LRRC4C: variants seen among roughly 807,000 people sequenced by gnomAD.
The protein encoded by LRRC4C is leucine-rich repeat-containing protein 4C.
In LRRC4C, 5 loss-of-function variants were observed where a neutral mutation model predicts 33.6. The observed-to-expected ratio is 0.15, with a 90% CI of 0.08 to 0.31. LRRC4C has a LOEUF of 0.31. LRRC4C is among the 10% of genes least tolerant of loss of function. The pLI is 1.00. For synonymous variants in LRRC4C, 329 were observed against 302.0 expected, an observed-to-expected ratio of 1.09 and a Z score of -0.93; for missense variants, 560 against 796.7, an observed-to-expected ratio of 0.70 and a Z score of 3.58.
intron 1 of LRRC4C, among the ~76,000 whole-genome samples, chr11:41,128,725 T>G (rs1942869807): frequency 6.6e-6 from 1 of 152,068 alleles, no homozygotes; most frequent in African/African-American, 2.4e-5. Flanking sequence ...AGTCAACAAA[T>G]TAACCATTGG....
At chr11:40,400,353 A>G (rs1027683244) in intron 3 of LRRC4C, among the ~76,000 whole-genome samples, 1 of 152,144 alleles carries the variant, frequency 6.6e-6, no homozygotes, top group Admixed American at 6.6e-5. Flanking sequence ...ATCTCCAAAG[A>G]GTTGTTTGCT....
chr11:40,315,879 T>A (rs2136799905), intron 4 of LRRC4C, among the ~76,000 whole-genome samples: 1 of 152,136 alleles, frequency 6.6e-6, no homozygotes, highest in Non-Finnish European at 1.5e-5. Context: ...AATTTGGTTT[T>A]AAATTTAAAG....
At chr11:40,867,628 G>A (rs1166056692) in intron 2 of LRRC4C, among the ~76,000 whole-genome samples, 1 of 143,924 alleles carries the variant, frequency 6.9e-6, no homozygotes, top group Non-Finnish European at 1.6e-5. Flanking sequence ...CACCAAAGTT[G>A]CTTTCTAGCA....
intron 1 of LRRC4C, among the ~76,000 whole-genome samples, chr11:41,237,638 C>A (rs1278130575): frequency 2.0e-5 from 3 of 152,128 alleles, no homozygotes; most frequent in African/African-American, 7.2e-5. Context: ...CACCTTCCTG[C>A]AAGAAACAAA....
intron 2 of LRRC4C, among the ~76,000 whole-genome samples, chr11:40,822,157 A>G (rs767673071): frequency 2.6e-5 from 4 of 151,608 alleles, no homozygotes; most frequent in Non-Finnish European, 5.9e-5. Context: ...TCACCCCACA[A>G]CTAAACTTCC....
chr11:40,674,276 T>C (rs1232631202), intron 2 of LRRC4C, among the ~76,000 whole-genome samples: 2 of 152,224 alleles, frequency 1.3e-5, no homozygotes, highest in Admixed American at 1.3e-4. Context: ...GAAAGAGCAC[T>C]GGGGTTGGCA....
At chr11:40,739,591 C>T (rs1948060475) in intron 2 of LRRC4C, among the ~76,000 whole-genome samples, 1 of 151,666 alleles carries the variant, frequency 6.6e-6, no homozygotes, top group African/African-American at 2.4e-5. Context: ...AATTGTAATC[C>T]CTAAGTGTTG....
chr11:40,251,416 C>T (rs1271704196), intron 4 of LRRC4C, among the ~76,000 whole-genome samples: 3 of 152,046 alleles, frequency 2.0e-5, no homozygotes, highest in Non-Finnish European at 4.4e-5. Flanking sequence ...ACAGAAGTTC[C>T]TTTTGTGCCC....
In LRRC4C at chr11:40,990,231, TTATATATATATATATATA is replaced by T. The variant is rs761772952; in HGVS notation, c.-495-56526_-495-56509del. ...AAATATTTGAATAGTATGTCAAGTTTTATATATATATATATATATATATATATATATATATATATATAT... is the reference window on the plus strand; with the variant it reads ...AAATATTTGAATAGTATGTCAAGTTTTATATATATATATATATATATATAT... On this transcript the variant is annotated intron_variant, in intron 1 of 6. Transcript: ENST00000528697. Among the ~76,000 whole-genome samples, 200 of 78,246 alleles carry T rather than the reference TTATATATATATATATATA, an allele frequency of 2.6e-3. 1 individual carries two copies. The highest frequency in any genetic ancestry group is 6.4e-3 in the African/African-American group (146 of 22,792). The allele number at this position is 78,246 out of a possible 152,430, so 51.3% of individuals were successfully genotyped here.
chr11:40,998,973 A>T (rs1379560864), intron 1 of LRRC4C, among the ~76,000 whole-genome samples: 1 of 152,134 alleles, frequency 6.6e-6, no homozygotes, highest in African/African-American at 2.4e-5. Context: ...CCAACATGAC[A>T]TGAAGAATAA....
chr11:40,649,719 A>G (rs959898480), intron 2 of LRRC4C, among the ~76,000 whole-genome samples: 2 of 152,220 alleles, frequency 1.3e-5, no homozygotes, highest in African/African-American at 4.8e-5. Flanking sequence ...ATTAAAATGA[A>G]ATCTTCACAA....
intron 1 of LRRC4C, among the ~76,000 whole-genome samples, chr11:41,389,007 A>G (rs1331354051): frequency 6.6e-6 from 1 of 151,818 alleles, no homozygotes. Flanking sequence ...TACATAGCCA[A>G]TCTACAGTCT....
At chr11:40,960,134 G>GGGAAGGAA (rs551883780) in intron 1 of LRRC4C, among the ~76,000 whole-genome samples, 1 of 148,174 alleles carries the variant, frequency 6.7e-6, no homozygotes, top group African/African-American at 2.5e-5. Context: ...GAAGGAAGGA[G>GGGAAGGAA]GGAAGGAAGG....
At chr11:41,072,759 T>G (rs12226783) in intron 1 of LRRC4C, among the ~76,000 whole-genome samples, 12,154 of 152,184 alleles carry the variant, frequency 0.08, 613 homozygotes, top group East Asian at 0.21. Flanking sequence ...TCCTTACCCC[T>G]GTGCAATTTT....
chr11:41,070,876 AT>A (rs1277379942), intron 1 of LRRC4C, among the ~76,000 whole-genome samples: 1 of 152,174 alleles, frequency 6.6e-6, no homozygotes, highest in Non-Finnish European at 1.5e-5. Context: ...CAGAAATACC[AT>A]TTGATCCAGC....
chr11:41,120,892 C>T lies in LRRC4C; in HGVS notation c.-495-187169G>A, dbSNP rs115300188. Among the ~76,000 whole-genome samples the T allele has an allele frequency of 7.5e-3, 1,138 of 152,110 alleles. 6 individuals are homozygous for T. Among genetic ancestry groups the T allele is most frequent in the African/African-American group, 0.026 (1,080 of 41,502 alleles). ...TGGTATAAGTGTGTGTGGCACTTCC[C>T]CCTTTGCTCTCTCTTTATCCTACTC... is the stretch of plus-strand genomic sequence containing the variant. On this transcript the variant is annotated intron_variant, in intron 1 of 6. Coordinates refer to ENST00000528697, the MANE Select transcript of LRRC4C (RefSeq NM_001258419.2).
chr11:40,996,061 G>A (rs994750620), intron 1 of LRRC4C, among the ~76,000 whole-genome samples: 1 of 152,024 alleles, frequency 6.6e-6, no homozygotes, highest in Non-Finnish European at 1.5e-5. Flanking sequence ...TTCCACAATA[G>A]GAATAATATT....
At chr11:41,187,950 C>T (rs12786091) in intron 1 of LRRC4C, among the ~76,000 whole-genome samples, 82,547 of 152,128 alleles carry the variant, frequency 0.54, 24,870 homozygotes, top group Non-Finnish European at 0.68. Context: ...CTATAAATGA[C>T]ATCATATCTG....
Position 40,923,390 on chromosome 11 carries a change from C to T in LRRC4C, c.-407+10245G>A, listed in dbSNP as rs539357327. Among the ~76,000 whole-genome samples, 10 of 152,144 alleles carry T rather than the reference C, an allele frequency of 6.6e-5. No homozygotes were observed. The South Asian group carries it at 1.5e-3, about 22-fold the overall frequency. ...AGAAAAGTAGTAGGATTCTACTTTC[C>T]AATTATTTTGAAGTTAAATGTGGCA... On this transcript the variant is annotated intron_variant, in intron 2 of 6. Transcript: ENST00000528697.
Sources: allele counts gnomAD v4.1 joint callset (sites outside exome capture counted in the v4.1 genomes callset), GRCh38; gene constraint gnomAD v4.1.1; transcripts MANE v1.5; gene names NCBI Gene and HGNC (gene_info 2026-07-23, HGNC 2026-07-21).